Variants in DGKE observed in about 807,000 individuals in gnomAD.
The protein encoded by DGKE is DAG kinase epsilon.
DGKE carries 53 observed loss-of-function variants against 70.0 expected under a neutral mutation model. The observed-to-expected ratio is 0.76, with a 90% CI of 0.61 to 0.95. The LOEUF (loss-of-function observed/expected upper bound fraction) is 0.95. Among genes scored for constraint, DGKE ranks in the 40% least tolerant of loss-of-function variants. DGKE has a pLI of 0.00. For missense variants in DGKE, 655 were observed against 706.9 expected (o/e 0.93, Z 0.83); for synonymous variants, 291 against 257.0 (o/e 1.13, Z -1.27).
intron 2 of DGKE, among the ~76,000 whole-genome samples, chr17:56,838,140 C>G (rs1032759075): frequency 6.6e-6 from 1 of 152,154 alleles, no homozygotes; most frequent in African/African-American, 2.4e-5. Context: ...ATTTATTGGA[C>G]TTTTTATTCA....
Position 56,862,877 on chromosome 17 carries a change from C to A in DGKE, c.*86C>A. The A allele has an allele frequency of 8.3e-7, 1 of 1,199,164 alleles. No homozygotes were observed. The allele number at this position is 1,199,164 out of a possible 1,614,324, so 74.3% of individuals were successfully genotyped here. A position where few individuals can be genotyped will look rare whatever the true frequency, so the allele number is the denominator to read the frequency against. On this transcript the variant is annotated 3_prime_UTR_variant, in exon 12 of 12. Coordinates refer to ENST00000284061, the MANE Select transcript of DGKE (RefSeq NM_003647.3). The stretch of plus-strand genomic sequence containing the variant: ...AAAAGTATTAATAGAAATTCTCTAT[C>A]AGCTATTCAGTCTTAATTTCACTAG...
At chr17:56,852,101 G>A (rs1317357584) in intron 7 of DGKE, among the ~76,000 whole-genome samples, 2 of 152,020 alleles carry the variant, frequency 1.3e-5, no homozygotes, top group African/African-American at 4.8e-5. Flanking sequence ...AATACAGTAA[G>A]TAACATTTAA....
chr17:56,855,488 G>A (rs1199560916), intron 7 of DGKE, among the ~76,000 whole-genome samples: 3 of 152,146 alleles, frequency 2.0e-5, no homozygotes, highest in Admixed American at 1.3e-4. Context: ...AACAAAGGCA[G>A]GAGAGCTGGT....
chr17:56,862,695 C>A lies in DGKE; in HGVS notation c.1608C>A (p.His536Gln), dbSNP rs991221145. 1.4e-5 allele frequency: 23 copies of A among 1,611,052 alleles called. No individual in the cohort carries two copies. In the East Asian group the frequency reaches 3.4e-4, roughly 24 times the overall value. The change falls in exon 12 of 12, where the codon CAC becomes CAA. Residue 536 changes from histidine (H) to glutamine (Q), a missense_variant. His to Gln is a conservative substitution (Grantham distance 24). Coordinates refer to ENST00000284061, the MANE Select transcript of DGKE (RefSeq NM_003647.3). ...AQGPCTVTITHKTHAMMLYFS... is the reference protein window; with the variant it reads ...AQGPCTVTITQKTHAMMLYFS... ...GGCCCTGCACTGTCACCATAACTCA[C>A]AAGACACATGCAATGATGTTATATT... is the stretch of plus-strand genomic sequence containing the variant.
At chr17:56,834,692 CG>C (rs1598009727) in intron 1 of DGKE, 85 bp from the exon 2 acceptor site, 3 of 1,284,400 alleles carry the variant, frequency 2.3e-6, no homozygotes, top group East Asian at 4.7e-5. Context: ...TCACTGAGGG[CG>C]CCCGGTTTGG....
intron 10 of DGKE, 30 bp from the exon 11 acceptor site, chr17:56,862,110 A>G (rs1908329021): frequency 1.9e-6 from 3 of 1,606,726 alleles, no homozygotes; most frequent in Non-Finnish European, 2.6e-6. Context: ...ATTGCATCAT[A>G]TAATCCATAT....
chr17:56,834,721 G>A, intron 1 of DGKE, 57 bp from the exon 2 acceptor site: 3 of 1,474,046 alleles, frequency 2.0e-6, no homozygotes, highest in Non-Finnish European at 1.8e-6. Flanking sequence ...AAGGCAGGAA[G>A]GGGGCGGGGA....
chr17:56,842,251 C>G (rs545359242), intron 2 of DGKE, among the ~76,000 whole-genome samples: 10 of 151,900 alleles, frequency 6.6e-5, no homozygotes, highest in Non-Finnish European at 1.5e-4. Flanking sequence ...TTTTTATAAG[C>G]TAGTATTTAA....
Position 56,834,860 on chromosome 17 carries a change from T to G in DGKE, c.65T>G (p.Leu22Arg). The change falls in exon 2 of 12, where the codon CTG becomes CGG. Residue 22 changes from leucine to arginine, a missense_variant. Physicochemically the swap from Leu to Arg is moderately radical, Grantham distance 102. Coordinates refer to ENST00000284061, the MANE Select transcript of DGKE (RefSeq NM_003647.3). The part of the protein sequence containing the change: ...PSEGLFADGH[L>R]ILWTLCSVLL... ...GAGGGCCTGTTTGCGGACGGGCACC[T>G]GATCTTGTGGACGCTGTGCTCGGTC... 6.2e-7 allele frequency: 1 copy of G among 1,612,588 alleles called. No homozygotes were observed. The highest frequency in any genetic ancestry group is 8.5e-7 in the Non-Finnish European group (1 of 1,179,470).
intron 2 of DGKE, among the ~76,000 whole-genome samples, chr17:56,842,556 T>C (rs1197308948): frequency 6.6e-6 from 1 of 152,214 alleles, no homozygotes; most frequent in Non-Finnish European, 1.5e-5. Context: ...AATTAACAAA[T>C]GTGATTATGC....
rs973804819 is a variant in DGKE, at chr17:56,868,888, A to G, written c.*6097A>G. ...ATCATACACGTGTGTTAGGAGAAAC[A>G]TTCATTCTCACGCATATAAACTGGC... On this transcript the variant is annotated 3_prime_UTR_variant, in exon 12 of 12. Coordinates refer to ENST00000284061, the MANE Select transcript of DGKE (RefSeq NM_003647.3). The G allele has an allele frequency of 6.6e-6, 1 of 152,202 alleles. No homozygotes were observed. Among genetic ancestry groups the G allele is most frequent in the African/African-American group, 2.4e-5 (1 of 41,448 alleles). 9.4% of individuals were successfully genotyped at this position (152,202 alleles called of 1,614,324 possible).
At chr17:56,850,191 T>C (rs1270875193) in intron 7 of DGKE, among the ~76,000 whole-genome samples, 5 of 152,042 alleles carry the variant, frequency 3.3e-5, no homozygotes, top group Non-Finnish European at 5.9e-5. Context: ...GGTATTGTGA[T>C]GACAGCTCAC....
intron 3 of DGKE, 39 bp downstream of exon 3, chr17:56,844,217 A>G: frequency 1.5e-6 from 2 of 1,359,440 alleles, no homozygotes; most frequent in South Asian, 1.6e-5. Flanking sequence ...TTGATTTTTA[A>G]AAAGCTGCTT....
At position 56,867,182 on chromosome 17, in the gene DGKE, G is replaced by A. The variant is rs1908555554; in HGVS notation, c.*4391G>A. ...CCAGAAAGGTACATTCCAGGGTTCTGGGGAAAGAATTTTAAAATGCCATCC... is the reference window on the plus strand; with the variant it reads ...CCAGAAAGGTACATTCCAGGGTTCTAGGGAAAGAATTTTAAAATGCCATCC... On this transcript the variant is annotated 3_prime_UTR_variant, in exon 12 of 12. Coordinates refer to ENST00000284061, the MANE Select transcript of DGKE (RefSeq NM_003647.3). The A allele has an allele frequency of 1.3e-5, 2 of 152,190 alleles. No individual in the cohort carries two copies. The highest frequency in any genetic ancestry group is 2.4e-5 in the African/African-American group (1 of 41,452). The allele number at this position is 152,190 out of a possible 1,614,324, so 9.4% of individuals were successfully genotyped here. A position where few individuals can be genotyped will look rare whatever the true frequency, so the allele number is the denominator to read the frequency against.
intron 9 of DGKE, 69 bp downstream of exon 9, chr17:56,858,734 A>G: frequency 8.6e-7 from 1 of 1,169,430 alleles, no homozygotes; most frequent in Admixed American, 2.7e-5. Context: ...CTTTTTAAAC[A>G]GAAATGCTAA....
chr17:56,861,758 C>T (rs761235731), intron 9 of DGKE, 33 bp from the exon 10 acceptor site: 3 of 1,607,832 alleles, frequency 1.9e-6, no homozygotes, highest in South Asian at 2.2e-5. Flanking sequence ...ATTGTGTATC[C>T]TGTAGTCACT....
At chr17:56,851,868 A>G (rs1907671221) in intron 7 of DGKE, among the ~76,000 whole-genome samples, 1 of 152,212 alleles carries the variant, frequency 6.6e-6, no homozygotes, top group Non-Finnish European at 1.5e-5. Context: ...TCGGTATCAG[A>G]TTGGAAAGTA....
chr17:56,868,634 T>C lies in DGKE; in HGVS notation c.*5843T>C, dbSNP rs944924742. The C allele has an allele frequency of 1.3e-5, 2 of 152,260 alleles. No homozygotes were observed. The highest frequency in any genetic ancestry group is 4.8e-5 in the African/African-American group (2 of 41,470). 9.4% of individuals were successfully genotyped at this position (152,260 alleles called of 1,614,324 possible). Reference sequence around the variant, plus strand: ...GTGAAAGCATTTGGTATGTTGAAGATACTTGCTTCTTTTTTAATAAAATTA... The same window carrying C: ...GTGAAAGCATTTGGTATGTTGAAGACACTTGCTTCTTTTTTAATAAAATTA... On this transcript the variant is annotated 3_prime_UTR_variant, in exon 12 of 12. Transcript: ENST00000284061.
chr17:56,848,023 T>G lies in DGKE; in HGVS notation c.846T>G (p.Thr282=), dbSNP rs781500145. Residue 282 remains threonine, a synonymous_variant, in exon 5 of 12, where the codon ACT becomes ACG. Transcript: ENST00000284061. ...TACTTGTTTGTGGAGGGGATGGGAC[T>G]GTAGGGTGGGTCCTGGATGCAGTTG... ...ARVLVCGGDG[T]VGWVLDAVDD... 6.2e-7 allele frequency: 1 copy of G among 1,602,278 alleles called. No individual in the cohort carries two copies.
Sources: gnomAD v4.1 joint callset for allele counts (sites outside exome capture counted in the v4.1 genomes callset) on GRCh38, gnomAD v4.1.1 for gene constraint, MANE v1.5 for transcripts, NCBI Gene and HGNC (gene_info 2026-07-23, HGNC 2026-07-21) for gene names.